The following FER1L6 variants were observed in gnomAD, a reference collection of about 807,000 sequenced individuals.
The protein encoded by FER1L6 is fer-1 like family member 6.
In FER1L6, 177 loss-of-function variants were observed where a neutral mutation model predicts 219.2. The ratio of observed to expected loss-of-function variants is 0.81; its 90% CI spans 0.71 to 0.91. FER1L6 has a LOEUF of 0.91. Among genes scored for constraint, FER1L6 ranks in the 40% least tolerant of loss-of-function variants. The pLI, the probability that FER1L6 is intolerant of heterozygous loss-of-function variation, is 0.00. For synonymous variants in FER1L6, 768 were observed against 824.3 expected (o/e 0.93, Z 1.17); for missense variants, 2,153 against 2,259.9 (o/e 0.95, Z 0.96).
intron 6 of FER1L6, among the ~76,000 whole-genome samples, chr8:123,972,770 T>C (rs1815879210): frequency 6.6e-6 from 1 of 152,232 alleles, no homozygotes; most frequent in Non-Finnish European, 1.5e-5. Flanking sequence ...CAGTTTTCTC[T>C]TTTATGGGTG....
At chr8:124,088,319 A>G (rs1055364042) in intron 33 of FER1L6, among the ~76,000 whole-genome samples, 2 of 152,040 alleles carry the variant, frequency 1.3e-5, no homozygotes, top group Non-Finnish European at 2.9e-5. Flanking sequence ...CCCCAGTCCC[A>G]TGGTGAGTAC....
rs1213017088 is a variant in FER1L6, at chr8:124,039,956, T to A, written c.2539T>A (p.Ser847Thr). The stretch of plus-strand genomic sequence containing the variant: ...CATCGCAGCTGACAGCAATGGACTT[T>A]CAGACCCTTTTGCCAAAGTCACGTT... Reference protein sequence around the residue: ...GLIAADSNGLSDPFAKVTFLS... With the variant: ...GLIAADSNGLTDPFAKVTFLS... The change falls in exon 20 of 41, where the codon TCA becomes ACA. Residue 847 changes from serine (S) to threonine (T), a missense_variant. Physicochemically the swap from Ser to Thr is moderately conservative, Grantham distance 58. Transcript: ENST00000522917. The A allele has an allele frequency of 1.2e-6, 2 of 1,614,064 alleles. No individual in the cohort carries two copies. The highest frequency in any genetic ancestry group is 2.7e-5 in the African/African-American group (2 of 74,940).
chr8:124,109,646 T>A (rs2131017199), intron 39 of FER1L6, among the ~76,000 whole-genome samples: 1 of 152,340 alleles, frequency 6.6e-6, no homozygotes, highest in Middle Eastern at 3.4e-3. Flanking sequence ...TGCTCTTCAT[T>A]TCTATCAACA....
intron 1 of FER1L6, chr8:123,925,664 A>C (rs4413758): frequency 3.9e-5 from 6 of 152,002 alleles, no homozygotes; most frequent in Admixed American, 3.9e-4. Flanking sequence ...AGAAGTTTCA[A>C]TATTTCCTTC....
At chr8:123,945,563 A>G (rs562556024) in intron 1 of FER1L6, among the ~76,000 whole-genome samples, 1 of 152,340 alleles carries the variant, frequency 6.6e-6, no homozygotes, top group East Asian at 1.9e-4. Flanking sequence ...TGAAGCAATA[A>G]ATTTCTGGCG....
intron 12 of FER1L6, among the ~76,000 whole-genome samples, 156 bp downstream of exon 12, chr8:123,986,332 A>G (rs1198306652): frequency 6.6e-6 from 1 of 152,200 alleles, no homozygotes; most frequent in African/African-American, 2.4e-5. Context: ...TCTATTGTCA[A>G]TATATAAGGG....
intron 1 of FER1L6, among the ~76,000 whole-genome samples, chr8:123,944,883 G>T (rs1175964145): frequency 1.3e-5 from 2 of 152,114 alleles, no homozygotes; most frequent in Non-Finnish European, 2.9e-5. Context: ...CAGGGTCTTG[G>T]CTCCATCCTT....
At chr8:124,073,200 C>G (rs917049611) in intron 31 of FER1L6, among the ~76,000 whole-genome samples, 1 of 152,200 alleles carries the variant, frequency 6.6e-6, no homozygotes, top group Non-Finnish European at 1.5e-5. Context: ...TCTCCTTATT[C>G]ATGTATTCAT....
intron 12 of FER1L6, among the ~76,000 whole-genome samples, chr8:123,989,607 G>A (rs1816755802): frequency 6.6e-6 from 1 of 152,040 alleles, no homozygotes; most frequent in Non-Finnish European, 1.5e-5. Context: ...ATACCACTCT[G>A]TATGACTTTT....
chr8:124,024,890 A>G (rs1430612284), intron 18 of FER1L6, among the ~76,000 whole-genome samples: 1 of 152,148 alleles, frequency 6.6e-6, no homozygotes, highest in African/African-American at 2.4e-5. Flanking sequence ...CTTTTTAATA[A>G]TGGCCATTCT....
intron 20 of FER1L6, among the ~76,000 whole-genome samples, chr8:124,044,717 C>T (rs72714691): frequency 0.038 from 5,728 of 152,372 alleles, 168 homozygotes; most frequent in Non-Finnish European, 0.059. Context: ...TAGTCTCCTG[C>T]ATTAATGGAA....
intron 1 of FER1L6, among the ~76,000 whole-genome samples, chr8:123,950,422 C>G (rs1814707528): frequency 6.6e-6 from 1 of 152,204 alleles, no homozygotes; most frequent in Admixed American, 6.5e-5. Flanking sequence ...GGCAGTCCTA[C>G]AGCCTTGCCC....
At chr8:124,094,160 T>C (rs934176099) in intron 34 of FER1L6, among the ~76,000 whole-genome samples, 2 of 152,142 alleles carry the variant, frequency 1.3e-5, no homozygotes, top group African/African-American at 2.4e-5. Flanking sequence ...TCCCTATGGA[T>C]GGACATTGTG....
intron 34 of FER1L6, among the ~76,000 whole-genome samples, chr8:124,093,253 T>G (rs554599463): frequency 6.6e-6 from 1 of 152,092 alleles, no homozygotes; most frequent in South Asian, 2.1e-4. Flanking sequence ...AGTCCCTACC[T>G]CCAACACTGG....
At chr8:124,102,151 C>G (rs1459983774) in intron 38 of FER1L6, among the ~76,000 whole-genome samples, 1 of 152,110 alleles carries the variant, frequency 6.6e-6, no homozygotes, top group Non-Finnish European at 1.5e-5. Context: ...TTGATGTTAA[C>G]AGTAATGAGG....
At chr8:123,879,382 A>T (rs1391573733) in intron 1 of FER1L6, among the ~76,000 whole-genome samples, 1 of 152,122 alleles carries the variant, frequency 6.6e-6, no homozygotes, top group Non-Finnish European at 1.5e-5. Context: ...GCTGGAGTGC[A>T]GTGGTGCGAT....
At chr8:124,046,562 CTTTA>C (rs1473659523) in intron 21 of FER1L6, 1 of 152,166 alleles carries the variant, frequency 6.6e-6, no homozygotes, top group Admixed American at 6.5e-5. Flanking sequence ...GGGTTTGTTT[CTTTA>C]TTTAATATCT....
intron 1 of FER1L6, among the ~76,000 whole-genome samples, chr8:123,867,618 G>A (rs1365770854): frequency 6.6e-6 from 1 of 152,102 alleles, no homozygotes. Flanking sequence ...TACCTTCTAT[G>A]GTTGTTTTGA....
intron 22 of FER1L6, among the ~76,000 whole-genome samples, 169 bp downstream of exon 22, chr8:124,049,925 G>C (rs1819929182): frequency 6.6e-6 from 1 of 152,158 alleles, no homozygotes; most frequent in Non-Finnish European, 1.5e-5. Context: ...CAGGTGACTT[G>C]GACTATTCCC....
Sources: gnomAD v4.1 joint callset for allele counts (sites outside exome capture counted in the v4.1 genomes callset) on GRCh38, gnomAD v4.1.1 for gene constraint, MANE v1.5 for transcripts, NCBI Gene and HGNC (gene_info 2026-07-23, HGNC 2026-07-21) for gene names.